DLGAP2: variants seen among roughly 807,000 people sequenced by gnomAD.
DLGAP2 encodes disks large-associated protein 2.
In DLGAP2, 26 loss-of-function variants were observed where a neutral mutation model predicts 100.3. That is an observed-to-expected ratio of 0.26 (90% confidence interval 0.19 to 0.36). The LOEUF is 0.36. Ranked by LOEUF, DLGAP2 falls within the 10% of genes least tolerant of loss-of-function variation. The probability of loss-of-function intolerance (pLI) is 1.00; values close to 1 mark genes in which losing one functional copy is unlikely to be tolerated. For missense variants in DLGAP2, 1,858 were observed against 1,453.2 expected (o/e 1.28, Z -4.53); for synonymous variants, 886 against 630.1 (o/e 1.41, Z -6.08).
intron 2 of DLGAP2, among the ~76,000 whole-genome samples, chr8:1,257,925 G>C (rs1179388685): frequency 6.6e-6 from 1 of 152,242 alleles, no homozygotes; most frequent in East Asian, 1.9e-4. Context: ...GTGGATGGAA[G>C]CTGGCTTTGA....
chr8:1,702,492 T>C lies in DLGAP2; in HGVS notation c.*1086T>C, dbSNP rs1365822396. On this transcript the variant is annotated 3_prime_UTR_variant, in exon 15 of 15. Transcript: ENST00000637795. The stretch of plus-strand genomic sequence containing the variant: ...TAAATGGTAAAGAAGAAATGTAGTT[T>C]ACATTTGTATTTTTCCAGAATTCTT... 6.6e-6 allele frequency: 1 copy of C among 152,650 alleles called. No individual in the cohort carries two copies. Among genetic ancestry groups the C allele is most frequent in the African/African-American group, 2.4e-5 (1 of 41,460 alleles). 9.5% of individuals were successfully genotyped at this position (152,650 alleles called of 1,614,324 possible). A position where few individuals can be genotyped will look rare whatever the true frequency, so the allele number is the denominator to read the frequency against.
At chr8:1,146,578 T>TGCACATGTGTGTGCAC (rs1796610866) in intron 2 of DLGAP2, among the ~76,000 whole-genome samples, 1 of 122,716 alleles carries the variant, frequency 8.1e-6, no homozygotes. Flanking sequence ...TGTGTGTGTA[T>TGCACATGTGTGTGCAC]GCACATGTGT....
chr8:1,307,061 T>G (rs1259594485), intron 3 of DLGAP2, among the ~76,000 whole-genome samples: 3 of 152,168 alleles, frequency 2.0e-5, no homozygotes, highest in Admixed American at 1.3e-4. Flanking sequence ...TTAAAGCTTG[T>G]GTGCATTAAG....
chr8:1,259,005 G>T (rs1021897413), intron 3 of DLGAP2, 122 bp downstream of exon 3: 7 of 843,346 alleles, frequency 8.3e-6, no homozygotes, highest in African/African-American at 5.3e-5. Flanking sequence ...CGCAGTCTGT[G>T]TGCTGTTTGA....
intron 3 of DLGAP2, among the ~76,000 whole-genome samples, chr8:1,263,601 G>A (rs186662960): frequency 2.6e-5 from 4 of 152,148 alleles, no homozygotes; most frequent in African/African-American, 9.7e-5. Context: ...CAAGTGACTC[G>A]AAACAATGCA....
At chr8:1,586,210 C>T (rs564804573) in intron 6 of DLGAP2, among the ~76,000 whole-genome samples, 10 of 152,346 alleles carry the variant, frequency 6.6e-5, no homozygotes, top group Admixed American at 5.2e-4. Context: ...AGGTGTCGGC[C>T]GTTGGCCCTT....
At chr8:1,276,366 G>T (rs150341539) in intron 3 of DLGAP2, among the ~76,000 whole-genome samples, 1 of 151,886 alleles carries the variant, frequency 6.6e-6, no homozygotes, top group Non-Finnish European at 1.5e-5. Context: ...GATTCGCGTC[G>T]GGCACTATCA....
At chr8:1,077,256 C>T (rs975160251) in intron 2 of DLGAP2, among the ~76,000 whole-genome samples, 1 of 152,226 alleles carries the variant, frequency 6.6e-6, no homozygotes, top group Non-Finnish European at 1.5e-5. Flanking sequence ...CTCGTCACCT[C>T]TGTAGCAGCC....
intron 6 of DLGAP2, among the ~76,000 whole-genome samples, chr8:1,581,689 CAT>C (rs1803267718): frequency 6.6e-6 from 1 of 150,580 alleles, no homozygotes; most frequent in Non-Finnish European, 1.5e-5. Flanking sequence ...AAACTCCACA[CAT>C]ATACACACCG....
chr8:832,930 G>A (rs1383946544), intron 1 of DLGAP2, among the ~76,000 whole-genome samples: 1 of 152,174 alleles, frequency 6.6e-6, no homozygotes, highest in East Asian at 1.9e-4. Context: ...GTAATGGGAT[G>A]ATGGCTACAG....
At chr8:1,649,826 T>A (rs1351782795) in intron 8 of DLGAP2, among the ~76,000 whole-genome samples, 5 of 152,180 alleles carry the variant, frequency 3.3e-5, no homozygotes, top group Non-Finnish European at 7.4e-5. Flanking sequence ...TGGGGAATAT[T>A]TGTATCTCTA....
At chr8:1,241,722 C>A (rs1798800920) in intron 2 of DLGAP2, among the ~76,000 whole-genome samples, 1 of 146,718 alleles carries the variant, frequency 6.8e-6, no homozygotes, top group Admixed American at 7.0e-5. Flanking sequence ...TAGATTTTAA[C>A]CAGCAAAACA....
At chr8:1,439,116 C>A (rs1797747613) in intron 3 of DLGAP2, among the ~76,000 whole-genome samples, 2 of 152,148 alleles carry the variant, frequency 1.3e-5, no homozygotes, top group African/African-American at 4.8e-5. Flanking sequence ...GTGACTTTAT[C>A]CTCCCTAATG....
At chr8:1,086,509 T>C (rs1413622626) in intron 2 of DLGAP2, among the ~76,000 whole-genome samples, 1 of 152,210 alleles carries the variant, frequency 6.6e-6, no homozygotes, top group Non-Finnish European at 1.5e-5. Flanking sequence ...CCCAACTATA[T>C]GCTGCCCACA....
intron 3 of DLGAP2, among the ~76,000 whole-genome samples, chr8:1,351,519 T>C (rs1390174523): frequency 5.3e-5 from 3 of 56,598 alleles, no homozygotes; most frequent in Non-Finnish European, 7.5e-5. Flanking sequence ...CCTGACTGTG[T>C]GTGGAAAGGC....
At chr8:1,274,016 C>G (rs1400658375) in intron 3 of DLGAP2, among the ~76,000 whole-genome samples, 1 of 152,106 alleles carries the variant, frequency 6.6e-6, no homozygotes, top group Non-Finnish European at 1.5e-5. Context: ...ATATGAAAGT[C>G]TTGTCAATTT....
intron 6 of DLGAP2, among the ~76,000 whole-genome samples, chr8:1,591,900 AG>A (rs1796302836): frequency 6.6e-6 from 1 of 152,178 alleles, no homozygotes; most frequent in Non-Finnish European, 1.5e-5. Flanking sequence ...ACTCCCAGGG[AG>A]GTTCCTCCCA....
chr8:1,226,729 G>A (rs1798423738), intron 2 of DLGAP2, among the ~76,000 whole-genome samples: 1 of 152,066 alleles, frequency 6.6e-6, no homozygotes, highest in African/African-American at 2.4e-5. Flanking sequence ...GTGATGTTGA[G>A]CGCTTTTCAC....
At chr8:1,505,847 A>T (rs1464660920) in intron 4 of DLGAP2, among the ~76,000 whole-genome samples, 2 of 152,182 alleles carry the variant, frequency 1.3e-5, no homozygotes, top group African/African-American at 2.4e-5. Context: ...TATTTAAATC[A>T]GCTGTAAAGA....
Sources: allele counts gnomAD v4.1 joint callset (sites outside exome capture counted in the v4.1 genomes callset), GRCh38; gene constraint gnomAD v4.1.1; transcripts MANE v1.5; gene names NCBI Gene and HGNC (gene_info 2026-07-23, HGNC 2026-07-21).